Variants in TMEM131L observed in about 807,000 individuals in gnomAD.
TMEM131L encodes transmembrane 131 like.
TMEM131L carries 54 observed loss-of-function variants against 192.2 expected under a neutral mutation model. The ratio of observed to expected loss-of-function variants is 0.28; its 90% CI spans 0.23 to 0.35. The LOEUF (loss-of-function observed/expected upper bound fraction) is 0.35, where lower values mean the gene tolerates loss of function less well. TMEM131L is among the 10% of genes least tolerant of loss of function. The pLI is 1.00. For missense variants in TMEM131L, 1,888 were observed against 1,972.9 expected (o/e 0.96, Z 0.82); for synonymous variants, 701 against 704.9 (o/e 0.99, Z 0.09).
chr4:153,577,650 A>T (rs994316229), intron 7 of TMEM131L, among the ~76,000 whole-genome samples: 1 of 152,166 alleles, frequency 6.6e-6, no homozygotes, highest in Non-Finnish European at 1.5e-5. Context: ...TATCTGGGGT[A>T]TTTATTAAGA....
intron 3 of TMEM131L, among the ~76,000 whole-genome samples, chr4:153,505,326 T>C (rs1400081377): frequency 6.6e-6 from 1 of 152,070 alleles, no homozygotes; most frequent in Admixed American, 6.6e-5. Context: ...CAGGCTGGTC[T>C]CAAACTCCTG....
intron 6 of TMEM131L, 56 bp from the exon 7 acceptor site, chr4:153,558,202 G>T: frequency 1.1e-6 from 1 of 923,538 alleles, no homozygotes; most frequent in South Asian, 1.5e-5. Flanking sequence ...TTAGCATTAT[G>T]GCAAATGTGT....
rs115157089 is a variant in TMEM131L, at chr4:153,630,742, C to T, written c.4208-1976C>T. Among the ~76,000 whole-genome samples, 9 of 152,226 alleles carry T rather than the reference C, an allele frequency of 5.9e-5. No individual in the cohort carries two copies. The South Asian group carries it at 1.0e-3, about 18-fold the overall frequency. ...CCTTCCAGGAAGCCTACTGTGTGCCCGTTGTGTGATGCTGGAAGTGTTGCC... is the reference window on the plus strand; with the variant it reads ...CCTTCCAGGAAGCCTACTGTGTGCCTGTTGTGTGATGCTGGAAGTGTTGCC... On this transcript the variant is annotated intron_variant, in intron 31 of 34. Transcript: ENST00000409959.
intron 32 of TMEM131L, 25 bp downstream of exon 32, chr4:153,632,863 T>C: frequency 1.9e-6 from 3 of 1,613,852 alleles, no homozygotes; most frequent in Non-Finnish European, 2.5e-6. Context: ...CTCTGATTGG[T>C]GCCTTGCTTA....
chr4:153,485,105 C>T (rs1301542869), intron 3 of TMEM131L, among the ~76,000 whole-genome samples: 3 of 129,362 alleles, frequency 2.3e-5, no homozygotes, highest in African/African-American at 6.0e-5. Flanking sequence ...GGCGAAAGAG[C>T]GAGACTCTGT....
At chr4:153,590,965 G>A in intron 16 of TMEM131L, 88 bp from the exon 17 acceptor site, 1 of 896,902 alleles carries the variant, frequency 1.1e-6, no homozygotes, top group Non-Finnish European at 1.5e-6. Flanking sequence ...ATAGTATTTA[G>A]TGATTTCCCT....
At chr4:153,574,086 A>G (rs1729772091) in intron 7 of TMEM131L, among the ~76,000 whole-genome samples, 1 of 151,818 alleles carries the variant, frequency 6.6e-6, no homozygotes, top group South Asian at 2.1e-4. Context: ...CCAGGCTTTT[A>G]TGGCTGGGGT....
chr4:153,625,281 A>C (rs1489140477), intron 29 of TMEM131L, among the ~76,000 whole-genome samples: 1 of 151,870 alleles, frequency 6.6e-6, no homozygotes, highest in East Asian at 2.0e-4. Flanking sequence ...CGTGGTGACG[A>C]GCGCCTGCAG....
rs1361837618 is a variant in TMEM131L at position 153,632,707 on chromosome 4, C to G, written c.4208-11C>G. On this transcript the variant is annotated splice_polypyrimidine_tract_variant and intron_variant, in intron 31 of 34. Coordinates refer to ENST00000409959, the MANE Select transcript of TMEM131L (RefSeq NM_001131007.2). ...GGATAGGGTGGACTCAGGCCTTGTT[C>G]TCTTCCGTAGGTCTTTACTCACCTG... 6.2e-7 allele frequency: 1 copy of G among 1,613,882 alleles called. No homozygotes were observed. The highest frequency in any genetic ancestry group is 1.3e-5 in the African/African-American group (1 of 74,910).
intron 3 of TMEM131L, among the ~76,000 whole-genome samples, chr4:153,548,623 C>T (rs1737373380): frequency 6.6e-6 from 1 of 152,088 alleles, no homozygotes; most frequent in East Asian, 1.9e-4. Flanking sequence ...ATTATTAATA[C>T]AGCTGGTGCT....
chr4:153,494,980 C>G (rs11099886), intron 3 of TMEM131L, among the ~76,000 whole-genome samples: 55,687 of 152,016 alleles, frequency 0.37, 10,535 homozygotes, highest in South Asian at 0.49. Flanking sequence ...TCACCAAACT[C>G]TGAACCCAAA....
rs1728776800 is a variant in TMEM131L, at chr4:153,560,491, T to C, written c.660+2123T>C. Among the ~76,000 whole-genome samples the C allele has an allele frequency of 2.0e-5, 3 of 152,262 alleles. No homozygotes were observed. In the South Asian group the frequency reaches 6.2e-4, roughly 31 times the overall value. ...ATTTTGTAAACAGTGTTATGAAATA[T>C]AATTCACATACCACAAAATCTGCCC... On this transcript the variant is annotated intron_variant, in intron 7 of 34. Transcript: ENST00000409959.
rs17030219 is a variant in TMEM131L at position 153,604,294 on chromosome 4, A to G, written c.3282A>G (p.Ser1094=). Residue 1094 remains serine (S), a synonymous_variant, in exon 25 of 35, where the codon TCA becomes TCG. Transcript: ENST00000409959. ...CTAAGGAAACTGACATTAAAACTTC[A>G]GAGAACACAGCCGAGTTCAAGGAAC... The part of the protein sequence containing the change: ...MFPKETDIKT[S]ENTAEFKERE... 4.7e-5 allele frequency: 76 copies of G among 1,614,078 alleles called. No individual in the cohort carries two copies. Among genetic ancestry groups the G allele is most frequent in the Non-Finnish European group, 6.1e-5 (72 of 1,180,026 alleles).
chr4:153,623,404 A>G (rs28664269), intron 29 of TMEM131L, among the ~76,000 whole-genome samples: 56,185 of 152,044 alleles, frequency 0.37, 11,248 homozygotes, highest in Non-Finnish European at 0.46. Flanking sequence ...GTGGACTTCT[A>G]TGGCACTAAG....
In TMEM131L at chr4:153,555,801, C is replaced by G; in HGVS notation, c.323C>G (p.Pro108Arg). The G allele has an allele frequency of 1.3e-6, 2 of 1,551,466 alleles. No individual in the cohort carries two copies. Among genetic ancestry groups the G allele is most frequent in the Non-Finnish European group, 1.7e-6 (2 of 1,146,728 alleles). Residue 108 changes from proline (P) to arginine (R), a missense_variant, in exon 5 of 35, where the codon CCT becomes CGT. Pro to Arg is a moderately radical substitution (Grantham distance 103, BLOSUM62 -2). Transcript: ENST00000409959. This position sits in a 1 kb window ranked among gnomAD's most constrained non-coding sequence, Gnocchi z 4.1. ...TCTCCTCCTAGGTTCCTGGGACATC[C>G]TGTAGCAAAGATTCTCCATGCTTAC... ...LDFGIQFLGHPVAKILHAYNP... is the reference protein window; with the variant it reads ...LDFGIQFLGHRVAKILHAYNP...
chr4:153,480,592 G>A (rs960028935), intron 3 of TMEM131L, among the ~76,000 whole-genome samples: 1 of 150,172 alleles, frequency 6.7e-6, no homozygotes, highest in Admixed American at 6.6e-5. Flanking sequence ...TTAACCTGAA[G>A]TATCTCACCA....
intron 33 of TMEM131L, among the ~76,000 whole-genome samples, chr4:153,634,563 A>G (rs1192437345): frequency 6.6e-6 from 1 of 152,202 alleles, no homozygotes; most frequent in African/African-American, 2.4e-5. Flanking sequence ...ATTTGGATCC[A>G]TGTAGATGTA....
intron 9 of TMEM131L, among the ~76,000 whole-genome samples, chr4:153,582,425 T>C: frequency 8.0e-6 from 1 of 124,684 alleles, no homozygotes; most frequent in South Asian, 2.2e-4. Flanking sequence ...AAACCGTTTT[T>C]TTTTGTTGTT....
At chr4:153,615,149 C>A (rs908081474) in intron 26 of TMEM131L, among the ~76,000 whole-genome samples, 20 of 152,178 alleles carry the variant, frequency 1.3e-4, no homozygotes, top group African/African-American at 4.6e-4. Context: ...CATTTTTCTC[C>A]TTCTGCAAAA....
Sources: gnomAD v4.1 joint callset for allele counts (sites outside exome capture counted in the v4.1 genomes callset) on GRCh38, gnomAD v4.1.1 for gene constraint, Gnocchi (gnomAD v3.1) non-coding constraint, MANE v1.5 for transcripts, NCBI Gene and HGNC (gene_info 2026-07-23, HGNC 2026-07-21) for gene names.